Variants in SGPL1 observed in about 807,000 individuals in gnomAD.
The protein encoded by SGPL1 is SP-lyase 1.
SGPL1 carries 37 observed loss-of-function variants against 68.9 expected under a neutral mutation model. The ratio of observed to expected loss-of-function variants is 0.54; its 90% CI spans 0.41 to 0.71. The LOEUF (loss-of-function observed/expected upper bound fraction) is 0.71. Among genes scored for constraint, SGPL1 ranks in the 30% least tolerant of loss-of-function variants. SGPL1 has a pLI of 0.00. For synonymous variants in SGPL1, 236 were observed against 248.5 expected, an observed-to-expected ratio of 0.95 and a Z score of 0.47; for missense variants, 551 against 704.6, an observed-to-expected ratio of 0.78 and a Z score of 2.47.
At chr10:70,862,144 A>T (rs1589468400) in intron 7 of SGPL1, among the ~76,000 whole-genome samples, 1 of 152,232 alleles carries the variant, frequency 6.6e-6, no homozygotes, top group Non-Finnish European at 1.5e-5. Flanking sequence ...GGAGCCTTGG[A>T]GAACCTTTAT....
intron 3 of SGPL1, among the ~76,000 whole-genome samples, chr10:70,847,206 G>A (rs779750540): frequency 9.9e-5 from 15 of 151,982 alleles, no homozygotes; most frequent in Non-Finnish European, 2.2e-4. Flanking sequence ...GGAGTTCAGT[G>A]GCATGATCTT....
At chr10:70,863,489 A>AT (rs1164928514) in intron 7 of SGPL1, among the ~76,000 whole-genome samples, 1 of 151,108 alleles carries the variant, frequency 6.6e-6, no homozygotes, top group Non-Finnish European at 1.5e-5. Flanking sequence ...ATTTTATTTT[A>AT]TTTATTTATT....
intron 2 of SGPL1, among the ~76,000 whole-genome samples, chr10:70,822,667 C>T (rs941438994): frequency 6.6e-6 from 1 of 152,130 alleles, no homozygotes; most frequent in African/African-American, 2.4e-5. Context: ...ATATATCAGT[C>T]ATATCTTGGC....
intron 2 of SGPL1, among the ~76,000 whole-genome samples, chr10:70,827,050 A>T (rs79263445): frequency 2.6e-5 from 4 of 152,148 alleles, no homozygotes; most frequent in Admixed American, 2.6e-4. Flanking sequence ...TGTGCCTAGG[A>T]GTGGAATTGC....
intron 2 of SGPL1, among the ~76,000 whole-genome samples, chr10:70,825,321 C>T (rs112064489): frequency 6.6e-6 from 1 of 152,234 alleles, no homozygotes; most frequent in African/African-American, 2.4e-5. Flanking sequence ...GTTAAGGAGT[C>T]TGGTTGATTT....
chr10:70,871,239 T>C (rs1349709047), intron 10 of SGPL1, 93 bp downstream of exon 10: 1 of 798,234 alleles, frequency 1.3e-6, no homozygotes, highest in East Asian at 2.5e-5. Flanking sequence ...AGCGATTTTT[T>C]TTTTGTTTTT....
intron 2 of SGPL1, chr10:70,820,608 C>T (rs775742923): frequency 1.3e-5 from 2 of 151,944 alleles, no homozygotes; most frequent in Non-Finnish European, 2.9e-5. Context: ...AACTCTGTCT[C>T]TACTAAAAAT....
At chr10:70,828,239 A>G (rs1177653055) in intron 2 of SGPL1, among the ~76,000 whole-genome samples, 1 of 152,212 alleles carries the variant, frequency 6.6e-6, no homozygotes, top group African/African-American at 2.4e-5. Context: ...CAAATGTTAA[A>G]TTTCTGTCAT....
intron 2 of SGPL1, among the ~76,000 whole-genome samples, chr10:70,840,564 T>A (rs1845698820): frequency 6.6e-6 from 1 of 152,038 alleles, no homozygotes; most frequent in Admixed American, 6.6e-5. Context: ...AGGAGGACCT[T>A]AGAATGATGC....
At chr10:70,818,423 C>G (rs560361664) in intron 2 of SGPL1, among the ~76,000 whole-genome samples, 2 of 152,084 alleles carry the variant, frequency 1.3e-5, no homozygotes, top group South Asian at 2.1e-4. Context: ...CGTGTCCAGC[C>G]AAGTTTGTTT....
intron 7 of SGPL1, among the ~76,000 whole-genome samples, chr10:70,864,798 C>T (rs1035201368): frequency 1.3e-5 from 2 of 152,174 alleles, no homozygotes; most frequent in Non-Finnish European, 2.9e-5. Context: ...TGGGTGCTTC[C>T]TGTCTGAGAC....
At chr10:70,864,570 CTTTG>C (rs1470815581) in intron 7 of SGPL1, among the ~76,000 whole-genome samples, 2 of 152,056 alleles carry the variant, frequency 1.3e-5, no homozygotes, top group Non-Finnish European at 2.9e-5. Flanking sequence ...GTTTTGAACT[CTTTG>C]TTTTCTTAAA....
chr10:70,855,736 T>C (rs1479460510), intron 5 of SGPL1, among the ~76,000 whole-genome samples: 1 of 152,226 alleles, frequency 6.6e-6, no homozygotes, highest in Non-Finnish European at 1.5e-5. Flanking sequence ...CTTTTTAGTT[T>C]GATATATTTA....
chr10:70,851,987 G>A (rs138911863), intron 4 of SGPL1, among the ~76,000 whole-genome samples: 2 of 152,282 alleles, frequency 1.3e-5, no homozygotes, highest in East Asian at 3.9e-4. Flanking sequence ...CCTCATCCAT[G>A]TTGAGGATAA....
intron 2 of SGPL1, among the ~76,000 whole-genome samples, chr10:70,844,221 C>T (rs1845757504): frequency 6.6e-6 from 1 of 152,150 alleles, no homozygotes; most frequent in Non-Finnish European, 1.5e-5. Context: ...GCTTAACCCT[C>T]TTACTGTATA....
chr10:70,852,646 T>C (rs1845902553), intron 4 of SGPL1, among the ~76,000 whole-genome samples: 1 of 152,218 alleles, frequency 6.6e-6, no homozygotes, highest in African/African-American at 2.4e-5. Flanking sequence ...GACTATCCAA[T>C]CACTCTCCAT....
intron 7 of SGPL1, among the ~76,000 whole-genome samples, chr10:70,867,084 C>G (rs1846205132): frequency 6.6e-6 from 1 of 152,164 alleles, no homozygotes; most frequent in Non-Finnish European, 1.5e-5. Context: ...ATTGAAAAAA[C>G]CTTTCAAAGA....
At chr10:70,872,743 C>T (rs1315177066) in intron 11 of SGPL1, among the ~76,000 whole-genome samples, 1 of 152,188 alleles carries the variant, frequency 6.6e-6, no homozygotes, top group African/African-American at 2.4e-5. Flanking sequence ...GTCCTTTTCC[C>T]ATAACCATCC....
chr10:70,876,874 T>TAGAG (rs1427078049), intron 14 of SGPL1, among the ~76,000 whole-genome samples: 2 of 152,218 alleles, frequency 1.3e-5, no homozygotes, highest in East Asian at 3.8e-4. Context: ...CCTTGTAAGT[T>TAGAG]AGAGACTTCT....
Sources: allele counts gnomAD v4.1 joint callset (sites outside exome capture counted in the v4.1 genomes callset), GRCh38; gene constraint gnomAD v4.1.1; transcripts MANE v1.5; gene names NCBI Gene and HGNC (gene_info 2026-07-23, HGNC 2026-07-21).